The following HPSE2 variants were observed in gnomAD, a reference collection of about 807,000 sequenced individuals.
HPSE2 encodes inactive heparanase-2.
Under a neutral mutation model 60.5 loss-of-function variants are expected in HPSE2, and 38 were observed. The ratio of observed to expected loss-of-function variants is 0.63; its 90% confidence interval spans 0.48 to 0.82. HPSE2 has a LOEUF of 0.82. Among genes scored for constraint, HPSE2 ranks in the 40% least tolerant of loss-of-function variants. HPSE2 has a pLI of 0.00. For synonymous variants in HPSE2, 295 were observed against 293.2 expected, an observed-to-expected ratio of 1.01 and a Z score of -0.06; for missense variants, 713 against 740.4, an observed-to-expected ratio of 0.96 and a Z score of 0.43.
At chr10:98,681,054 A>C (rs946780542) in intron 6 of HPSE2, among the ~76,000 whole-genome samples, 1 of 147,060 alleles carries the variant, frequency 6.8e-6, no homozygotes, top group Non-Finnish European at 1.5e-5. Context: ...GTGAGCCACC[A>C]TGCCTGTCCC....
Position 99,008,804 on chromosome 10 carries a change from T to C in HPSE2, c.610+135434A>G, listed in dbSNP as rs570048029. ...TCAGTGCTTAAGGGACTGAAATGTA[T>C]ATAGGGACTAAAATGGAAATAAAAT... is the stretch of plus-strand genomic sequence containing the variant. On this transcript the variant is annotated intron_variant, in intron 3 of 11. Coordinates refer to ENST00000370552, the MANE Select transcript of HPSE2 (RefSeq NM_021828.5). 4.6e-5 allele frequency among the ~76,000 whole-genome samples: 7 copies of C among 152,318 alleles called. No individual in the cohort carries two copies. The South Asian group carries it at 1.5e-3, about 32-fold the overall frequency.
chr10:99,127,861 T>G (rs576787225), intron 3 of HPSE2, among the ~76,000 whole-genome samples: 4 of 152,268 alleles, frequency 2.6e-5, no homozygotes, highest in African/African-American at 7.2e-5. Flanking sequence ...ACAAAATAAT[T>G]GTCAGCCAAC....
chr10:98,513,179 C>CTA (rs1942477955), intron 9 of HPSE2, among the ~76,000 whole-genome samples: 1 of 152,184 alleles, frequency 6.6e-6, no homozygotes, highest in African/African-American at 2.4e-5. Context: ...CTTGAGGTAT[C>CTA]TATGTTCCCC....
At chr10:99,279,995 A>G in the HPSE2 span, among the ~76,000 whole-genome samples, 1 of 152,178 alleles carries the variant, frequency 6.6e-6, no homozygotes, top group African/African-American at 2.4e-5. Flanking sequence ...TAGCAACCCA[A>G]AAATGAGATA....
intron 3 of HPSE2, chr10:99,013,325 T>A: frequency 1.6e-6 from 1 of 616,906 alleles, no homozygotes; most frequent in South Asian, 1.5e-5. Context: ...TTTTATAGAG[T>A]TCTCTAGTTA....
intron 3 of HPSE2, among the ~76,000 whole-genome samples, chr10:98,771,255 A>T (rs1950233957): frequency 6.6e-6 from 1 of 152,142 alleles, no homozygotes; most frequent in Non-Finnish European, 1.5e-5. Flanking sequence ...ATGTTTGAAT[A>T]CTCAATCAAT....
At chr10:99,297,049 T>G in the HPSE2 span, among the ~76,000 whole-genome samples, 1 of 152,082 alleles carries the variant, frequency 6.6e-6, no homozygotes, top group Non-Finnish European at 1.5e-5. Context: ...AGAGCTACAT[T>G]TTCCCCGGCA....
intron 2 of HPSE2, among the ~76,000 whole-genome samples, chr10:99,175,843 G>A (rs1847504812): frequency 6.6e-6 from 1 of 152,196 alleles, no homozygotes; most frequent in Non-Finnish European, 1.5e-5. Flanking sequence ...CCTTTCAGCA[G>A]GGGTCAACAG....
At chr10:99,160,485 A>G (rs4590799) in intron 2 of HPSE2, among the ~76,000 whole-genome samples, 74,933 of 152,100 alleles carry the variant, frequency 0.49, 20,948 homozygotes, top group East Asian at 0.65. Context: ...GGAATGTAAA[A>G]CGCTACAGCC....
At chr10:99,014,866 C>A (rs953115230) in intron 3 of HPSE2, among the ~76,000 whole-genome samples, 5 of 152,102 alleles carry the variant, frequency 3.3e-5, no homozygotes, top group Non-Finnish European at 5.9e-5. Context: ...AAAGAAACTA[C>A]CATCAGAGCG....
rs1308241658 is a variant in HPSE2 at position 98,935,415 on chromosome 10, T to A, written c.611-191359A>T. Among the ~76,000 whole-genome samples the A allele has an allele frequency of 3.5e-5, 5 of 144,014 alleles. No homozygotes were observed. The East Asian group carries it at 7.9e-4, about 23-fold the overall frequency. The allele number at this position is 144,014 out of a possible 152,430, so 94.5% of individuals were successfully genotyped here. A position where few individuals can be genotyped will look rare whatever the true frequency, so the allele number is the denominator to read the frequency against. ...TTTTGCATTGGTTTTTCCTCATCTT[T>A]CTGGATTTATCTACCTTTGATCTTT... On this transcript the variant is annotated intron_variant, in intron 3 of 11. Coordinates refer to ENST00000370552, the MANE Select transcript of HPSE2 (RefSeq NM_021828.5).
At chr10:98,892,473 G>C (rs1046502972) in intron 3 of HPSE2, among the ~76,000 whole-genome samples, 11 of 152,136 alleles carry the variant, frequency 7.2e-5, no homozygotes, top group Non-Finnish European at 1.5e-5. Context: ...TCATGTTCAA[G>C]ACATGGGAGT....
In HPSE2 at chr10:99,144,251, A is replaced by T. The variant is rs1404370367; in HGVS notation, c.597T>A (p.Asn199Lys). Reference sequence around the variant, plus strand: ...CAATAGCCTTACCTGTTAATATGAGATTACTGTAAGTATTGGAGAATTGCT... The same window carrying T: ...CAATAGCCTTACCTGTTAATATGAGTTTACTGTAAGTATTGGAGAATTGCT... ...LKEQFSNTYS[N>K]LILTARSLDK... The change falls in exon 3 of 12, where the codon AAT (asparagine) becomes AAA (lysine). Residue 199 changes from asparagine to lysine, a missense_variant. Asn to Lys is a moderately conservative substitution (Grantham distance 94). Transcript: ENST00000370552. 6.2e-7 allele frequency: 1 copy of T among 1,613,990 alleles called. No homozygotes were observed. The highest frequency in any genetic ancestry group is 2.2e-5 in the East Asian group (1 of 44,872).
At chr10:99,175,220 T>A (rs1160332589) in intron 2 of HPSE2, among the ~76,000 whole-genome samples, 1 of 151,178 alleles carries the variant, frequency 6.6e-6, no homozygotes, top group African/African-American at 2.4e-5. Flanking sequence ...GCTGCAGGAG[T>A]TTTTTTGTTT....
At chr10:98,604,514 G>A (rs180878507) in intron 9 of HPSE2, among the ~76,000 whole-genome samples, 5 of 152,090 alleles carry the variant, frequency 3.3e-5, no homozygotes, top group Admixed American at 6.5e-5. Context: ...AACTACAAAA[G>A]GTGTAACAAA....
chr10:99,042,187 G>T (rs958987307), intron 3 of HPSE2, among the ~76,000 whole-genome samples: 5 of 151,998 alleles, frequency 3.3e-5, no homozygotes, highest in Middle Eastern at 3.4e-3. Flanking sequence ...GAAACCAAGA[G>T]CCTGACTACT....
intron 3 of HPSE2, among the ~76,000 whole-genome samples, chr10:98,833,548 T>C (rs1050248177): frequency 6.6e-6 from 1 of 152,240 alleles, no homozygotes; most frequent in African/African-American, 2.4e-5. Context: ...TTACATGTAC[T>C]ACACTAGTTC....
chr10:98,566,426 C>T (rs1944346830), intron 9 of HPSE2, among the ~76,000 whole-genome samples: 1 of 152,190 alleles, frequency 6.6e-6, no homozygotes, highest in African/African-American at 2.4e-5. Flanking sequence ...GCCACCATTG[C>T]ACATGCACGG....
At chr10:99,003,471 G>C (rs2135379765) in intron 3 of HPSE2, among the ~76,000 whole-genome samples, 1 of 152,106 alleles carries the variant, frequency 6.6e-6, no homozygotes, top group Non-Finnish European at 1.5e-5. Context: ...AGCATGCAAG[G>C]GTTCCCTTGA....
Sources: allele counts gnomAD v4.1 joint callset (sites outside exome capture counted in the v4.1 genomes callset), GRCh38; gene constraint gnomAD v4.1.1; transcripts MANE v1.5; gene names NCBI Gene and HGNC (gene_info 2026-07-23, HGNC 2026-07-21).